The following RIT2 variants were observed in gnomAD, a reference collection of about 807,000 sequenced individuals.
The protein encoded by RIT2 is GTP-binding protein Rit2.
Under a neutral mutation model 23.7 loss-of-function variants are expected in RIT2, and 24 were observed. The ratio of observed to expected loss-of-function variants is 1.01; its 90% confidence interval spans 0.73 to 1.43. The LOEUF (loss-of-function observed/expected upper bound fraction) is 1.43, where lower values mean the gene tolerates loss of function less well. Ranked by LOEUF, RIT2 falls within the 40% of genes most tolerant of loss-of-function variation. The pLI, the probability that RIT2 is intolerant of heterozygous loss-of-function variation, is 0.00. For missense variants in RIT2, 236 were observed against 266.9 expected, an observed-to-expected ratio of 0.88 and a Z score of 0.81; for synonymous variants, 107 against 91.1, an observed-to-expected ratio of 1.17 and a Z score of -0.99.
intron 2 of RIT2, among the ~76,000 whole-genome samples, chr18:43,003,928 A>G (rs1204493564): frequency 6.6e-6 from 1 of 151,664 alleles, no homozygotes; most frequent in Non-Finnish European, 1.5e-5. Flanking sequence ...ACCCCAAATG[A>G]TATTCAATAT....
At chr18:42,855,986 C>A (rs193224824) in intron 4 of RIT2, among the ~76,000 whole-genome samples, 6 of 152,148 alleles carry the variant, frequency 3.9e-5, no homozygotes, top group Admixed American at 3.9e-4. Flanking sequence ...AAAATGAAGC[C>A]CTCAGAAGCA....
chr18:42,822,322 T>C (rs1358157739), intron 4 of RIT2, among the ~76,000 whole-genome samples: 2 of 152,144 alleles, frequency 1.3e-5, no homozygotes, highest in Admixed American at 1.3e-4. Context: ...ATTGGCTCAA[T>C]GGCTAATCAT....
chr18:43,102,608 G>T (rs1376854928), intron 1 of RIT2, among the ~76,000 whole-genome samples: 2 of 151,602 alleles, frequency 1.3e-5, no homozygotes, highest in African/African-American at 4.8e-5. Flanking sequence ...GATTCTGTCT[G>T]CTGGTGCATG....
intron 4 of RIT2, among the ~76,000 whole-genome samples, chr18:42,905,768 C>T (rs545288927): frequency 3.2e-4 from 48 of 151,416 alleles, no homozygotes; most frequent in Non-Finnish European, 4.7e-4. Context: ...CCACCGTGCC[C>T]GGCCAAACAC....
chr18:43,037,302 A>C (rs1912004401), intron 1 of RIT2, among the ~76,000 whole-genome samples: 1 of 152,214 alleles, frequency 6.6e-6, no homozygotes, highest in Non-Finnish European at 1.5e-5. Context: ...TGAACAATGC[A>C]ATTGTGAATT....
intron 4 of RIT2, among the ~76,000 whole-genome samples, chr18:42,896,433 T>C (rs1908332556): frequency 6.6e-6 from 1 of 152,230 alleles, no homozygotes; most frequent in African/African-American, 2.4e-5. Context: ...CCTGACTAAC[T>C]GATTTTTTAG....
chr18:43,046,649 G>A (rs746211156), intron 1 of RIT2, among the ~76,000 whole-genome samples: 8 of 152,130 alleles, frequency 5.3e-5, no homozygotes, highest in Non-Finnish European at 8.8e-5. Context: ...CTAGAGCAGT[G>A]GTTCTTAAAA....
intron 4 of RIT2, among the ~76,000 whole-genome samples, chr18:42,745,060 C>T (rs920974888): frequency 4.6e-5 from 7 of 152,056 alleles, no homozygotes; most frequent in African/African-American, 1.7e-4. Flanking sequence ...AACAAAATTA[C>T]CCAGGGTTGA....
chr18:42,990,506 A>G (rs1910817020), intron 2 of RIT2, among the ~76,000 whole-genome samples: 1 of 152,210 alleles, frequency 6.6e-6, no homozygotes, highest in South Asian at 2.1e-4. Context: ...AGAAACCGTT[A>G]CACTCCCTAT....
chr18:43,055,586 A>AT (rs767467686), intron 1 of RIT2, among the ~76,000 whole-genome samples: 10 of 152,134 alleles, frequency 6.6e-5, no homozygotes, highest in East Asian at 1.9e-4. Context: ...TTCATACTAC[A>AT]TTTTTTGTAG....
At chr18:42,882,558 A>T (rs1360526804) in intron 4 of RIT2, among the ~76,000 whole-genome samples, 2 of 152,210 alleles carry the variant, frequency 1.3e-5, no homozygotes, top group Non-Finnish European at 2.9e-5. Context: ...ATGACTGGGT[A>T]ATTCAGTCAA....
At chr18:42,930,165 A>T (rs913246637) in intron 3 of RIT2, among the ~76,000 whole-genome samples, 1 of 152,150 alleles carries the variant, frequency 6.6e-6, no homozygotes, top group African/African-American at 2.4e-5. Context: ...ATAGGAAACC[A>T]AGAACTCAGG....
intron 4 of RIT2, among the ~76,000 whole-genome samples, chr18:42,799,470 C>G (rs756994789): frequency 2.0e-4 from 30 of 152,166 alleles, no homozygotes; most frequent in Non-Finnish European, 3.8e-4. Context: ...CCCAAGCTAC[C>G]AATATTTCCC....
At chr18:43,078,957 C>T (rs997303170) in intron 1 of RIT2, among the ~76,000 whole-genome samples, 8 of 152,160 alleles carry the variant, frequency 5.3e-5, no homozygotes, top group Admixed American at 1.3e-4. Context: ...GGATCCACAC[C>T]GTAATTAAAT....
intron 4 of RIT2, among the ~76,000 whole-genome samples, chr18:42,807,669 C>A (rs1339836167): frequency 1.3e-5 from 2 of 152,008 alleles, no homozygotes; most frequent in African/African-American, 4.8e-5. Flanking sequence ...AACTGTTTAT[C>A]CTGAGTGAGA....
chr18:42,778,630 C>T (rs1212310260), intron 4 of RIT2, among the ~76,000 whole-genome samples: 1 of 152,144 alleles, frequency 6.6e-6, no homozygotes, highest in Non-Finnish European at 1.5e-5. Flanking sequence ...CAGCACCAGG[C>T]CAGCAACTCT....
At chr18:43,002,822 G>T (rs533794615) in intron 2 of RIT2, among the ~76,000 whole-genome samples, 2 of 152,030 alleles carry the variant, frequency 1.3e-5, no homozygotes, top group African/African-American at 4.8e-5. Flanking sequence ...GAAGTTTTAT[G>T]TGCATTTAAT....
rs181689283 is a variant in RIT2, at chr18:43,010,125, C to G, written c.160+23686G>C. Reference sequence around the variant, plus strand: ...CAAGCATTTTCCTTTACTACATAGACTAAACCTTCAACTATTCAATATTTA... The same window carrying G: ...CAAGCATTTTCCTTTACTACATAGAGTAAACCTTCAACTATTCAATATTTA... On this transcript the variant is annotated intron_variant, in intron 2 of 4. Coordinates refer to ENST00000326695, the MANE Select transcript of RIT2 (RefSeq NM_002930.4). Among the ~76,000 whole-genome samples, 909 of 151,878 alleles carry G rather than the reference C, an allele frequency of 6.0e-3. 4 individuals are homozygous for G. The highest frequency in any genetic ancestry group is 0.021 in the African/African-American group (852 of 41,496).
chr18:42,820,482 A>G (rs1445266442), intron 4 of RIT2, among the ~76,000 whole-genome samples: 1 of 152,056 alleles, frequency 6.6e-6, no homozygotes, highest in African/African-American at 2.4e-5. Context: ...TAGGCTTTCT[A>G]ACTCTCTGTC....
Sources: gnomAD v4.1 joint callset for allele counts (sites outside exome capture counted in the v4.1 genomes callset) on GRCh38, gnomAD v4.1.1 for gene constraint, MANE v1.5 for transcripts, NCBI Gene and HGNC (gene_info 2026-07-23, HGNC 2026-07-21) for gene names.